Variants in BAZ2B observed in about 807,000 individuals in gnomAD.
The protein encoded by BAZ2B is bromodomain adjacent to zinc finger domain 2B.
A neutral mutation model predicts 246.0 loss-of-function variants in BAZ2B; 91 were observed. The observed-to-expected ratio is 0.37, with a 90% CI of 0.31 to 0.44. The LOEUF (loss-of-function observed/expected upper bound fraction) is 0.44, where lower values mean the gene tolerates loss of function less well. BAZ2B is among the 20% of genes least tolerant of loss of function. The pLI is 1.00. For synonymous variants in BAZ2B, 855 were observed against 860.0 expected (o/e 0.99, Z 0.10); for missense variants, 2,332 against 2,533.7 (o/e 0.92, Z 1.71).
In BAZ2B at chr2:159,583,205, C is replaced by T. The variant is rs1335102247; in HGVS notation, c.-45-27340G>A. Among the ~76,000 whole-genome samples the T allele has an allele frequency of 2.0e-5, 3 of 151,592 alleles. No homozygotes were observed. In the East Asian group the frequency reaches 5.8e-4, roughly 29 times the overall value. On this transcript the variant is annotated intron_variant, in intron 1 of 36. Transcript: ENST00000392783. ...TCTCAGCTCACTGCAACCTCTGCCT[C>T]CCAGGTTCAAGTGATTCTTCTGCCT...
intron 2 of BAZ2B, among the ~76,000 whole-genome samples, chr2:159,501,128 A>AT (rs1446534573): frequency 7.0e-5 from 3 of 42,928 alleles, no homozygotes; most frequent in Non-Finnish European, 1.8e-4. Flanking sequence ...TATATAATAT[A>AT]TATATATATT....
chr2:159,500,590 T>A (rs1252465026), intron 2 of BAZ2B, among the ~76,000 whole-genome samples: 1 of 152,180 alleles, frequency 6.6e-6, no homozygotes, highest in Non-Finnish European at 1.5e-5. Flanking sequence ...AGAAAATAAA[T>A]TCCTTCATAG....
chr2:159,349,972 T>G lies in BAZ2B; in HGVS notation c.4599A>C (p.Ser1533=), dbSNP rs144729291. 7.4e-6 allele frequency: 12 copies of G among 1,614,102 alleles called. No individual in the cohort carries two copies. The highest frequency in any genetic ancestry group is 1.6e-4 in the Middle Eastern group (1 of 6,084). The change falls in exon 28 of 37, where the codon TCA becomes TCC. Residue 1533 remains serine, a synonymous_variant. Transcript: ENST00000392783. ...GACTGTAGAACTTCCCTGGACCACT[T>G]GAACCAGTATTAAACAGATTATTAG... The part of the protein sequence containing the change: ...ADSNNLFNTG[S]SGPGKFYSPL...
At chr2:159,364,760 G>A (rs1046943688) in intron 27 of BAZ2B, among the ~76,000 whole-genome samples, 22 of 152,252 alleles carry the variant, frequency 1.4e-4, no homozygotes, top group African/African-American at 5.1e-4. Flanking sequence ...TTACAAGGTC[G>A]GCAGATGTTG....
the BAZ2B span, among the ~76,000 whole-genome samples, chr2:159,662,911 T>C: frequency 6.6e-6 from 1 of 152,206 alleles, no homozygotes; most frequent in African/African-American, 2.4e-5. Flanking sequence ...ATTTCCCTGA[T>C]GGCTAATGAT....
chr2:159,327,840 G>A (rs1249538690), intron 34 of BAZ2B, among the ~76,000 whole-genome samples: 2 of 152,130 alleles, frequency 1.3e-5, no homozygotes, highest in Admixed American at 6.5e-5. Flanking sequence ...CAATGGGGGC[G>A]GATCGCCTGA....
chr2:159,316,814 A>T (rs2062178979), downstream of BAZ2B, among the ~76,000 whole-genome samples: 1 of 151,700 alleles, frequency 6.6e-6, no homozygotes, highest in South Asian at 2.1e-4. Context: ...AGCCTGGCCA[A>T]TATAGTGAAA....
intron 34 of BAZ2B, among the ~76,000 whole-genome samples, chr2:159,326,593 G>A (rs1218131264): frequency 6.6e-6 from 1 of 152,146 alleles, no homozygotes; most frequent in African/African-American, 2.4e-5. Context: ...ACTTGGAATC[G>A]AAGGATATGA....
At position 159,491,513 on chromosome 2, in the gene BAZ2B, G is replaced by A. The variant is rs541426417; in HGVS notation, c.-2-12792C>T. The stretch of plus-strand genomic sequence containing the variant: ...AGGCGGGCGGATCACGAGGTCAGGA[G>A]ATCGAGACCATCCCGGCTAAAACGG... On this transcript the variant is annotated intron_variant, in intron 2 of 36. Coordinates refer to ENST00000392783, the MANE Select transcript of BAZ2B (RefSeq NM_013450.4). Among the ~76,000 whole-genome samples the A allele has an allele frequency of 2.4e-4, 36 of 150,870 alleles. 2 individuals are homozygous for A. The South Asian group carries it at 6.9e-3, about 29-fold the overall frequency.
At chr2:159,398,951 T>C in intron 17 of BAZ2B, 57 bp from the exon 18 acceptor site, 1 of 1,505,970 alleles carries the variant, frequency 6.6e-7, no homozygotes, top group South Asian at 1.1e-5. Context: ...AACTTGCAAA[T>C]AATGTCAGAC....
Position 159,328,069 on chromosome 2 carries a change from CGAAAAAAAAAA to C in BAZ2B, c.5944-2162_5944-2152del, listed in dbSNP as rs1195201564. ...GATGGAATGAGACTCAGCCTCAAAA[CGAAAAAAAAAA>C]AAAAAAAAAAAGAAAGTATGAAATT... On this transcript the variant is annotated intron_variant, in intron 34 of 36. Coordinates refer to ENST00000392783, the MANE Select transcript of BAZ2B (RefSeq NM_013450.4). Among the ~76,000 whole-genome samples the C allele has an allele frequency of 1.1e-3, 127 of 111,538 alleles. 2 individuals are homozygous for C. The highest frequency in any genetic ancestry group is 4.6e-3 in the African/African-American group (114 of 24,816). 73.2% of individuals were successfully genotyped at this position (111,538 alleles called of 152,430 possible). A position where few individuals can be genotyped will look rare whatever the true frequency, so the allele number is the denominator to read the frequency against.
upstream of BAZ2B, among the ~76,000 whole-genome samples, chr2:159,619,404 C>G (rs1013842631): frequency 6.6e-6 from 1 of 151,396 alleles, no homozygotes; most frequent in African/African-American, 2.4e-5. Context: ...ATGAAGGGCT[C>G]GTTATATACT....
the BAZ2B span, among the ~76,000 whole-genome samples, chr2:159,626,866 A>C: frequency 4.0e-4 from 61 of 152,324 alleles, no homozygotes; most frequent in African/African-American, 1.5e-3. Context: ...TCAAAAAATC[A>C]ATGAATCCAG....
chr2:159,353,031 G>A (rs1417124037), intron 27 of BAZ2B, among the ~76,000 whole-genome samples: 1 of 152,192 alleles, frequency 6.6e-6, no homozygotes, highest in Non-Finnish European at 1.5e-5. Context: ...ATAAAAGGAT[G>A]AATTTAATTC....
At chr2:159,611,058 A>G (rs1226601566) in intron 1 of BAZ2B, among the ~76,000 whole-genome samples, 2 of 151,952 alleles carry the variant, frequency 1.3e-5, no homozygotes, top group Non-Finnish European at 2.9e-5. Flanking sequence ...AATGAATTAA[A>G]TATATTTATT....
chr2:159,447,325 AG>A (rs2074398428), intron 5 of BAZ2B, among the ~76,000 whole-genome samples: 3 of 152,244 alleles, frequency 2.0e-5, no homozygotes, highest in Non-Finnish European at 2.9e-5. Flanking sequence ...ATTCACTTTA[AG>A]ATGGTTAATA....
At chr2:159,326,521 G>A (rs2063733032) in intron 34 of BAZ2B, among the ~76,000 whole-genome samples, 1 of 152,008 alleles carries the variant, frequency 6.6e-6, no homozygotes, top group Non-Finnish European at 1.5e-5. Flanking sequence ...TGAAAGATGG[G>A]GCAAAAAGAT....
At chr2:159,519,140 A>G (rs980724571) in intron 2 of BAZ2B, among the ~76,000 whole-genome samples, 1 of 151,136 alleles carries the variant, frequency 6.6e-6, no homozygotes, top group Admixed American at 6.6e-5. Context: ...GGATCTTTAA[A>G]CATACACTAA....
intron 3 of BAZ2B, chr2:159,462,970 A>G: frequency 1.0e-6 from 1 of 984,240 alleles, no homozygotes; most frequent in South Asian, 1.3e-5. Context: ...TCAAATGTAA[A>G]GGAAATTTTG....
Sources: allele counts gnomAD v4.1 joint callset (sites outside exome capture counted in the v4.1 genomes callset), GRCh38; gene constraint gnomAD v4.1.1; transcripts MANE v1.5; gene names NCBI Gene and HGNC (gene_info 2026-07-23, HGNC 2026-07-21).